The following TRABD2B variants were observed in gnomAD, a reference collection of about 807,000 sequenced individuals.
The protein encoded by TRABD2B is metalloprotease TIKI2.
A neutral mutation model predicts 40.1 loss-of-function variants in TRABD2B; 14 were observed. That is an observed-to-expected ratio of 0.35 (90% CI 0.23 to 0.55). The LOEUF is 0.55. TRABD2B is among the 20% of genes least tolerant of loss of function. The probability of loss-of-function intolerance (pLI) is 0.90; values close to 1 mark genes in which losing one functional copy is unlikely to be tolerated. For missense variants in TRABD2B, 541 were observed against 648.6 expected, an observed-to-expected ratio of 0.83 and a Z score of 1.80; for synonymous variants, 263 against 277.0, an observed-to-expected ratio of 0.95 and a Z score of 0.50.
chr1:47,804,014 C>T (rs1255635387), intron 2 of TRABD2B, among the ~76,000 whole-genome samples: 5 of 152,192 alleles, frequency 3.3e-5, no homozygotes, highest in Non-Finnish European at 7.3e-5. Flanking sequence ...CACAGCCAGG[C>T]CAAAGTACTA....
intron 4 of TRABD2B, among the ~76,000 whole-genome samples, chr1:47,791,978 C>T (rs990027969): frequency 6.6e-6 from 1 of 152,142 alleles, no homozygotes; most frequent in Non-Finnish European, 1.5e-5. Context: ...GTCCCACAGC[C>T]AGGATGAGGT....
At chr1:47,829,662 C>G (rs1645223607) in intron 2 of TRABD2B, among the ~76,000 whole-genome samples, 1 of 152,110 alleles carries the variant, frequency 6.6e-6, no homozygotes. Flanking sequence ...TTATCCTGTC[C>G]CCTTCACTTC....
chr1:47,966,096 C>T (rs547577382), intron 2 of TRABD2B, among the ~76,000 whole-genome samples: 142 of 152,262 alleles, frequency 9.3e-4, no homozygotes, highest in African/African-American at 3.1e-3. Context: ...AAGGTCAGCA[C>T]GGGGTCTGAG....
At chr1:47,867,603 T>C (rs921870801) in intron 2 of TRABD2B, among the ~76,000 whole-genome samples, 8 of 152,322 alleles carry the variant, frequency 5.3e-5, no homozygotes, top group South Asian at 2.1e-4. Flanking sequence ...AATTGTGTTT[T>C]TGCAGCTCCA....
At position 47,761,699 on chromosome 1, in the gene TRABD2B, AG is replaced by A. The variant is rs1368753878; in HGVS notation, c.*4202del. ...ATGTCAACTCTCCTACCACTTCTTC[AG>A]CCAGTGGGCACACTGCCCCTGCTCA... is the stretch of plus-strand genomic sequence containing the variant. On this transcript the variant is annotated 3_prime_UTR_variant, in exon 7 of 7. Coordinates refer to ENST00000606738, the MANE Select transcript of TRABD2B (RefSeq NM_001194986.2). The A allele has an allele frequency of 3.9e-5, 6 of 152,292 alleles. No homozygotes were observed. Among genetic ancestry groups the A allele is most frequent in the Non-Finnish European group, 8.8e-5 (6 of 68,080 alleles). 9.4% of individuals were successfully genotyped at this position (152,292 alleles called of 1,614,324 possible). A position where few individuals can be genotyped will look rare whatever the true frequency, so the allele number is the denominator to read the frequency against.
chr1:47,831,419 C>T (rs947819102), intron 2 of TRABD2B, among the ~76,000 whole-genome samples: 1 of 152,098 alleles, frequency 6.6e-6, no homozygotes, highest in African/African-American at 2.4e-5. Flanking sequence ...CTGCTGCGGG[C>T]GCAGTGTGAA....
intron 2 of TRABD2B, among the ~76,000 whole-genome samples, chr1:47,802,018 C>T (rs1644830469): frequency 6.6e-6 from 1 of 152,198 alleles, no homozygotes; most frequent in Non-Finnish European, 1.5e-5. Flanking sequence ...GCAAACAAAG[C>T]AACAGGACAA....
At chr1:47,986,038 T>G (rs761546979) in intron 2 of TRABD2B, among the ~76,000 whole-genome samples, 2 of 151,954 alleles carry the variant, frequency 1.3e-5, no homozygotes, top group Admixed American at 6.6e-5. Flanking sequence ...AAAACCAAGA[T>G]AGCAAGCAAA....
chr1:47,777,020 C>T (rs1033373003), intron 5 of TRABD2B, among the ~76,000 whole-genome samples: 2 of 152,208 alleles, frequency 1.3e-5, no homozygotes, highest in African/African-American at 2.4e-5. Context: ...CTTGCTCCCC[C>T]GTGCAGGAGG....
chr1:47,923,883 T>A (rs1207509798), intron 2 of TRABD2B, among the ~76,000 whole-genome samples: 1 of 149,832 alleles, frequency 6.7e-6, no homozygotes, highest in African/African-American at 2.5e-5. Context: ...AAAATCAATC[T>A]CTCTCTCTCA....
At chr1:47,844,456 T>A (rs750492166) in intron 2 of TRABD2B, among the ~76,000 whole-genome samples, 4 of 152,216 alleles carry the variant, frequency 2.6e-5, no homozygotes, top group Non-Finnish European at 5.9e-5. Context: ...TGTGTTTCTC[T>A]CATTGCCCAG....
intron 2 of TRABD2B, among the ~76,000 whole-genome samples, chr1:47,897,871 A>G (rs1644545968): frequency 6.6e-6 from 1 of 152,210 alleles, no homozygotes; most frequent in African/African-American, 2.4e-5. Context: ...ATTGGTAAGG[A>G]TTAAACTAAC....
At chr1:47,822,752 T>C (rs1339796404) in intron 2 of TRABD2B, among the ~76,000 whole-genome samples, 1 of 152,176 alleles carries the variant, frequency 6.6e-6, no homozygotes, top group African/African-American at 2.4e-5. Context: ...TGATGATAAT[T>C]TGTAGCATTG....
intron 2 of TRABD2B, among the ~76,000 whole-genome samples, chr1:47,935,761 C>T (rs752117143): frequency 2.4e-4 from 36 of 152,310 alleles, no homozygotes; most frequent in Non-Finnish European, 2.1e-4. Flanking sequence ...ACCTAGAAAC[C>T]CCAATATTTA....
At chr1:47,867,044 A>G (rs999725101) in intron 2 of TRABD2B, among the ~76,000 whole-genome samples, 3 of 152,200 alleles carry the variant, frequency 2.0e-5, no homozygotes, top group African/African-American at 7.2e-5. Context: ...GTCTCCTGCA[A>G]GGAAGTGAAA....
intron 5 of TRABD2B, among the ~76,000 whole-genome samples, chr1:47,777,704 G>A (rs990232131): frequency 4.6e-5 from 7 of 152,196 alleles, no homozygotes; most frequent in Admixed American, 2.0e-4. Context: ...TTCAAACTCC[G>A]GGTCTTTATG....
At chr1:47,862,656 T>C (rs368180356) in intron 2 of TRABD2B, among the ~76,000 whole-genome samples, 12 of 152,312 alleles carry the variant, frequency 7.9e-5, no homozygotes, top group African/African-American at 2.9e-4. Flanking sequence ...ATGTCAGGTC[T>C]TCCCAACTCA....
chr1:47,859,912 C>T (rs904282563), intron 2 of TRABD2B, among the ~76,000 whole-genome samples: 1 of 152,240 alleles, frequency 6.6e-6, no homozygotes, highest in African/African-American at 2.4e-5. Context: ...GCCCTTACTA[C>T]AACCTGGTTA....
At chr1:47,864,874 A>G (rs1248413681) in intron 2 of TRABD2B, among the ~76,000 whole-genome samples, 2 of 152,298 alleles carry the variant, frequency 1.3e-5, no homozygotes, top group African/African-American at 4.8e-5. Flanking sequence ...TTACCCCAAC[A>G]GCACCCAGGT....
Sources: gnomAD v4.1 joint callset for allele counts (sites outside exome capture counted in the v4.1 genomes callset) on GRCh38, gnomAD v4.1.1 for gene constraint, MANE v1.5 for transcripts, NCBI Gene and HGNC (gene_info 2026-07-23, HGNC 2026-07-21) for gene names.